The following NLGN1 variants were observed in gnomAD, a reference collection of about 807,000 sequenced individuals.
The protein encoded by NLGN1 is neuroligin-1.
Under a neutral mutation model 65.5 loss-of-function variants are expected in NLGN1, and 12 were observed. The observed-to-expected ratio is 0.18, with a 90% CI of 0.12 to 0.30. The LOEUF is 0.30. NLGN1 is among the 10% of genes least tolerant of loss of function. The probability of loss-of-function intolerance (pLI) is 1.00; values close to 1 mark genes in which losing one functional copy is unlikely to be tolerated. For missense variants in NLGN1, 750 were observed against 1,007.1 expected (o/e 0.74, Z 3.46); for synonymous variants, 350 against 359.5 (o/e 0.97, Z 0.30).
At chr3:173,969,757 T>A (rs1158552716) in intron 4 of NLGN1, among the ~76,000 whole-genome samples, 1 of 152,154 alleles carries the variant, frequency 6.6e-6, no homozygotes, top group Admixed American at 6.6e-5. Context: ...TATGAAAATC[T>A]GGAAACTTGA....
chr3:173,684,440 C>T (rs1666208733), intron 3 of NLGN1, among the ~76,000 whole-genome samples: 1 of 152,138 alleles, frequency 6.6e-6, no homozygotes. Flanking sequence ...CTTTATGATA[C>T]TATGAGGCTG....
At chr3:173,921,368 T>C (rs1315612250) in intron 4 of NLGN1, among the ~76,000 whole-genome samples, 2 of 149,894 alleles carry the variant, frequency 1.3e-5, no homozygotes, top group Non-Finnish European at 3.0e-5. Flanking sequence ...GTTTCATTTG[T>C]AGTAATTTAT....
chr3:173,933,347 A>G (rs1579269943), intron 4 of NLGN1, among the ~76,000 whole-genome samples: 1 of 152,152 alleles, frequency 6.6e-6, no homozygotes, highest in Non-Finnish European at 1.5e-5. Flanking sequence ...ATGAGCCTCC[A>G]CTAGTGGGAG....
chr3:173,988,810 A>G (rs1720491303), intron 4 of NLGN1, among the ~76,000 whole-genome samples: 1 of 151,988 alleles, frequency 6.6e-6, no homozygotes, highest in African/African-American at 2.4e-5. Context: ...TTAAATGTCC[A>G]CTTCTTATTC....
intron 3 of NLGN1, among the ~76,000 whole-genome samples, chr3:173,696,075 G>C (rs567495463): frequency 1.3e-5 from 2 of 152,156 alleles, no homozygotes; most frequent in African/African-American, 2.4e-5. Flanking sequence ...GCCTCTCAAA[G>C]TGTGAAGATT....
chr3:174,277,474 C>T (rs1012302771), intron 5 of NLGN1, among the ~76,000 whole-genome samples: 1 of 151,902 alleles, frequency 6.6e-6, no homozygotes, highest in East Asian at 1.9e-4. Context: ...TGTTGAGTCC[C>T]TGAGATGGGA....
intron 4 of NLGN1, among the ~76,000 whole-genome samples, chr3:174,241,700 C>CTGGA (rs2152831356): frequency 6.6e-6 from 1 of 151,390 alleles, no homozygotes; most frequent in South Asian, 2.1e-4. Context: ...GTCCCCCAGG[C>CTGGA]TGGAGTGCAG....
At chr3:174,246,349 C>T (rs556735115) in intron 4 of NLGN1, among the ~76,000 whole-genome samples, 9 of 152,274 alleles carry the variant, frequency 5.9e-5, no homozygotes, top group Admixed American at 3.9e-4. Context: ...TTTCTATACA[C>T]ATGCAAGATT....
intron 4 of NLGN1, among the ~76,000 whole-genome samples, chr3:174,176,850 G>A (rs1413187376): frequency 6.6e-6 from 1 of 151,978 alleles, no homozygotes; most frequent in Non-Finnish European, 1.5e-5. Context: ...TATGGGTAAT[G>A]GGTATGACTT....
At chr3:174,017,117 A>G (rs1271870411) in intron 4 of NLGN1, among the ~76,000 whole-genome samples, 1 of 152,150 alleles carries the variant, frequency 6.6e-6, no homozygotes, top group Non-Finnish European at 1.5e-5. Flanking sequence ...CCCCATTGCT[A>G]GAGGCCTTGC....
At chr3:173,651,330 T>TTA (rs1288169488) in intron 3 of NLGN1, among the ~76,000 whole-genome samples, 21 of 151,322 alleles carry the variant, frequency 1.4e-4, no homozygotes, top group Admixed American at 1.1e-3. Flanking sequence ...TAATAAGTTG[T>TTA]TATATATATA....
At chr3:173,539,679 C>CATATATGTGCATATGCACATAT (rs1446580324) in intron 2 of NLGN1, among the ~76,000 whole-genome samples, 2 of 80,038 alleles carry the variant, frequency 2.5e-5, no homozygotes, top group African/African-American at 1.6e-4. Context: ...ACATATATAA[C>CATATATGTGCATATGCACATAT]ATACATATAT....
intron 2 of NLGN1, among the ~76,000 whole-genome samples, chr3:173,438,692 TCA>T (rs1718597881): frequency 6.6e-6 from 1 of 152,126 alleles, no homozygotes; most frequent in Non-Finnish European, 1.5e-5. Flanking sequence ...TAATAGTCTC[TCA>T]CACGTTTCAA....
chr3:173,449,696 C>CT (rs1287871691), intron 2 of NLGN1, among the ~76,000 whole-genome samples: 1 of 152,112 alleles, frequency 6.6e-6, no homozygotes, highest in African/African-American at 2.4e-5. Context: ...GTGTGGGAGT[C>CT]TAAGTTCTTT....
chr3:173,549,022 T>G (rs181015120), intron 2 of NLGN1, among the ~76,000 whole-genome samples: 3 of 152,148 alleles, frequency 2.0e-5, no homozygotes, highest in African/African-American at 7.2e-5. Flanking sequence ...GATATATATT[T>G]CTATATTATG....
At chr3:174,107,189 G>A (rs1365425759) in intron 4 of NLGN1, among the ~76,000 whole-genome samples, 1 of 151,970 alleles carries the variant, frequency 6.6e-6, no homozygotes, top group Non-Finnish European at 1.5e-5. Flanking sequence ...ATCACAGCCA[G>A]GATATTGATA....
chr3:173,681,434 G>A (rs1763927114), intron 3 of NLGN1, among the ~76,000 whole-genome samples: 1 of 152,142 alleles, frequency 6.6e-6, no homozygotes, highest in South Asian at 2.1e-4. Context: ...GGCTCAAGCT[G>A]TTATCAGTAA....
chr3:174,154,938 T>A (rs895817615), intron 4 of NLGN1, among the ~76,000 whole-genome samples: 3 of 134,540 alleles, frequency 2.2e-5, no homozygotes, highest in Non-Finnish European at 4.7e-5. Flanking sequence ...ATTTATATTT[T>A]ATATATAATA....
chr3:173,562,958 TTA>T (rs1212832066), intron 2 of NLGN1, among the ~76,000 whole-genome samples: 1 of 152,110 alleles, frequency 6.6e-6, no homozygotes, highest in Non-Finnish European at 1.5e-5. Flanking sequence ...GCTGAACTAT[TTA>T]TCTCACCAAA....
Sources: allele counts gnomAD v4.1 joint callset (sites outside exome capture counted in the v4.1 genomes callset), GRCh38; gene constraint gnomAD v4.1.1; transcripts MANE v1.5; gene names NCBI Gene and HGNC (gene_info 2026-07-23, HGNC 2026-07-21).